HSP90AA1: variants seen among roughly 807,000 people sequenced by gnomAD.
The protein encoded by HSP90AA1 is heat shock protein HSP 90-alpha.
In HSP90AA1, 18 loss-of-function variants were observed where a neutral mutation model predicts 73.3. The ratio of observed to expected loss-of-function variants is 0.25; its 90% confidence interval spans 0.17 to 0.36. HSP90AA1 has a LOEUF of 0.36. HSP90AA1 is among the 10% of genes least tolerant of loss of function. HSP90AA1 has a pLI of 1.00. For missense variants in HSP90AA1, 704 were observed against 874.2 expected (o/e 0.81, Z 2.45); for synonymous variants, 477 against 296.9 (o/e 1.61, Z -6.24).
intron 2 of HSP90AA1, among the ~76,000 whole-genome samples, chr14:102,094,574 G>A (rs1464920569): frequency 2.0e-5 from 3 of 152,180 alleles, no homozygotes; most frequent in African/African-American, 4.8e-5. Flanking sequence ...GTTTGCAAGA[G>A]CCCTGAGGGT....
intron 1 of HSP90AA1, among the ~76,000 whole-genome samples, chr14:102,125,361 C>A (rs1181557233): frequency 2.0e-5 from 3 of 152,152 alleles, no homozygotes; most frequent in African/African-American, 7.2e-5. Flanking sequence ...ATAATTCTTG[C>A]AATGTTAAAA....
At chr14:102,129,544 C>T (rs1351605025) in intron 1 of HSP90AA1, among the ~76,000 whole-genome samples, 1 of 151,230 alleles carries the variant, frequency 6.6e-6, no homozygotes, top group Non-Finnish European at 1.5e-5. Flanking sequence ...GCTGTGTCGC[C>T]CAGCCTAAAG....
At chr14:102,087,951 C>CT (rs71116878), upstream of HSP90AA1, among the ~76,000 whole-genome samples, 249 of 92,962 alleles carry the variant, frequency 2.7e-3, 2 homozygotes, top group African/African-American at 8.1e-3. Context: ...TTTTTTTTTT[C>CT]TTTTTTTTTT....
At chr14:102,084,374 G>T (rs376422603) in intron 6 of HSP90AA1, 25 bp downstream of exon 6, 6 of 1,601,988 alleles carry the variant, frequency 3.7e-6, no homozygotes, top group Non-Finnish European at 5.1e-6. Flanking sequence ...CAGTGACAGT[G>T]ATTATTTTTC....
In HSP90AA1 at chr14:102,081,268, A is replaced by G. The variant is rs2049091340; in HGVS notation, c.*444T>C. 3.7e-6 allele frequency: 1 copy of G among 273,708 alleles called. No individual in the cohort carries two copies. Among genetic ancestry groups the G allele is most frequent in the Non-Finnish European group, 7.1e-6 (1 of 141,836 alleles). 17.0% of individuals were successfully genotyped at this position (273,708 alleles called of 1,614,324 possible). A position where few individuals can be genotyped will look rare whatever the true frequency, so the allele number is the denominator to read the frequency against. Reference sequence around the variant, plus strand: ...CTTCAGTTTAACCTATTTCTAGAGGACTAGTACATGCAGAATTGTCAACTA... The same window carrying G: ...CTTCAGTTTAACCTATTTCTAGAGGGCTAGTACATGCAGAATTGTCAACTA... On this transcript the variant is annotated 3_prime_UTR_variant, in exon 11 of 11. Coordinates refer to ENST00000216281, the MANE Select transcript of HSP90AA1 (RefSeq NM_005348.4).
chr14:102,083,218 G>A lies in HSP90AA1; in HGVS notation c.1571C>T (p.Pro524Leu). 2 of 1,613,978 alleles carry A rather than the reference G, an allele frequency of 1.2e-6. No homozygotes were observed. Among genetic ancestry groups the A allele is most frequent in the Non-Finnish European group, 1.7e-6 (2 of 1,179,952 alleles). The change falls in exon 9 of 11, where the codon CCC becomes CTC. Residue 524 changes from proline (P) to leucine (L), a missense_variant. Pro to Leu is a moderately conservative substitution (Grantham distance 98). Coordinates refer to ENST00000216281, the MANE Select transcript of HSP90AA1 (RefSeq NM_005348.4). ...CTGTTGGACACAGTACTCATCAATG[G>A]GCTCAATCATATAGATCACTTCTAA... ...HGLEVIYMIE[P>L]IDEYCVQQLK...
At chr14:102,084,323 GGT>G in intron 6 of HSP90AA1, 74 bp downstream of exon 6, 1 of 1,365,608 alleles carries the variant, frequency 7.3e-7, no homozygotes. Context: ...TAGGATTATA[GGT>G]GTGAGCCACC....
intron 1 of HSP90AA1, among the ~76,000 whole-genome samples, chr14:102,118,436 G>A (rs1005706709): frequency 6.6e-6 from 1 of 151,206 alleles, no homozygotes; most frequent in Non-Finnish European, 1.5e-5. Context: ...ATTGAGATGG[G>A]GTCTATGTTG....
At chr14:102,084,175 G>C (rs2049165616) in intron 6 of HSP90AA1, 192 bp from the exon 7 acceptor site, 1 of 685,746 alleles carries the variant, frequency 1.5e-6, no homozygotes, top group Admixed American at 2.4e-5. Flanking sequence ...GGGGGTTCAA[G>C]CTGTTTTCAT....
At chr14:102,088,893 C>G (rs1204102152), upstream of HSP90AA1, among the ~76,000 whole-genome samples, 1 of 106,202 alleles carries the variant, frequency 9.4e-6, no homozygotes, top group African/African-American at 2.9e-5. Flanking sequence ...CTCTGACGTT[C>G]TTTTTTTTCT....
chr14:102,126,456 G>T (rs777640109), intron 1 of HSP90AA1, among the ~76,000 whole-genome samples: 15 of 152,186 alleles, frequency 9.9e-5, no homozygotes, highest in Non-Finnish European at 1.6e-4. Flanking sequence ...AGCGGAAAAA[G>T]AATGGCTCCT....
Position 102,083,697 on chromosome 14 carries a change from A to G in HSP90AA1, c.1339-4T>C, listed in dbSNP as rs1566718780. The G allele has an allele frequency of 6.2e-7, 1 of 1,612,578 alleles. No homozygotes were observed. Among genetic ancestry groups the G allele is most frequent in the Admixed American group, 1.7e-5 (1 of 60,008 alleles). ...GAGAGTCTTCGTGTATTCCAAGCTGAAACAAAGTATGTTCTTTACAAAGAC... is the reference window on the plus strand; with the variant it reads ...GAGAGTCTTCGTGTATTCCAAGCTGGAACAAAGTATGTTCTTTACAAAGAC... On this transcript the variant is annotated splice_region_variant and splice_polypyrimidine_tract_variant and intron_variant, in intron 7 of 10. Transcript: ENST00000216281.
chr14:102,137,401 T>C (rs970559118), intron 1 of HSP90AA1, among the ~76,000 whole-genome samples: 1 of 151,772 alleles, frequency 6.6e-6, no homozygotes, highest in Non-Finnish European at 1.5e-5. Flanking sequence ...TCTCGGCTCA[T>C]TGCAACCTCC....
intron 4 of HSP90AA1, 105 bp downstream of exon 4, chr14:102,085,193 C>T: frequency 2.8e-6 from 4 of 1,439,352 alleles, no homozygotes; most frequent in Non-Finnish European, 3.9e-6. Flanking sequence ...GCTTAGGTTC[C>T]CCAGGCTTCA....
chr14:102,108,652 C>T lies in HSP90AA1; in HGVS notation c.156-6567G>A, dbSNP rs571239525. 2.6e-5 allele frequency among the ~76,000 whole-genome samples: 4 copies of T among 151,142 alleles called. 1 individual carries two copies. The highest frequency in any genetic ancestry group is 9.8e-5 in the African/African-American group (4 of 40,996). On this transcript the variant is annotated intron_variant, in intron 1 of 11. Coordinates refer to the HSP90AA1 transcript ENST00000334701. ...CTGGGTTTGAGCGATTCTCCTGCCT[C>T]AGCCTCTGGAGTTGCTGGGATTACA...
chr14:102,087,164 GCCTA>G (rs1566722350), upstream of HSP90AA1: 1 of 982,932 alleles, frequency 1.0e-6, no homozygotes, highest in Non-Finnish European at 1.2e-6. Context: ...GCGGCCGCGC[GCCTA>G]CGCATGCGCC....
rs1334518369 is a variant in HSP90AA1, at chr14:102,083,146, C to T, written c.1643G>A (p.Gly548Asp). 1 of 1,614,008 alleles carries T rather than the reference C, an allele frequency of 6.2e-7. No individual in the cohort carries two copies. Among genetic ancestry groups the T allele is most frequent in the Non-Finnish European group, 8.5e-7 (1 of 1,179,946 alleles). Reference protein sequence around the residue: ...GKTLVSVTKEGLELPEDEEEK... With the variant: ...GKTLVSVTKEDLELPEDEEEK... ...TTCTTCATCCTCTGGAAGTTCCAGGCCTTCTTTGGTGACTGACACTAAAGT... is the reference window on the plus strand; with the variant it reads ...TTCTTCATCCTCTGGAAGTTCCAGGTCTTCTTTGGTGACTGACACTAAAGT... Residue 548 changes from glycine to aspartate, a missense_variant, in exon 9 of 11, where the codon GGC becomes GAC. Coordinates refer to ENST00000216281, the MANE Select transcript of HSP90AA1 (RefSeq NM_005348.4).
chr14:102,111,641 T>C (rs1475292295), intron 1 of HSP90AA1, among the ~76,000 whole-genome samples: 1 of 152,240 alleles, frequency 6.6e-6, no homozygotes, highest in Non-Finnish European at 1.5e-5. Flanking sequence ...ACAATATCTT[T>C]ATTCTAAACT....
rs191391740 is a variant in HSP90AA1, at chr14:102,113,945, C to T, written c.156-11860G>A. Among the ~76,000 whole-genome samples, 162 of 151,922 alleles carry T rather than the reference C, an allele frequency of 1.1e-3. 1 individual carries two copies. The highest frequency in any genetic ancestry group is 3.8e-3 in the African/African-American group (156 of 41,428). On this transcript the variant is annotated intron_variant, in intron 1 of 11. Transcript: ENST00000334701. ...CAGGATGGTCTCGATCTCCTGACCT[C>T]GTGATCTGCCCACCTTGGCCTCCCA...
Sources: allele counts gnomAD v4.1 joint callset (sites outside exome capture counted in the v4.1 genomes callset), GRCh38; gene constraint gnomAD v4.1.1; transcripts MANE v1.5; gene names NCBI Gene and HGNC (gene_info 2026-07-23, HGNC 2026-07-21).